Variants in MRTFA observed in about 807,000 individuals in gnomAD.
MRTFA encodes the protein myocardin-related transcription factor A.
MRTFA carries 20 observed loss-of-function variants against 83.5 expected under a neutral mutation model. That is an observed-to-expected ratio of 0.24 (90% CI 0.17 to 0.35). The LOEUF (loss-of-function observed/expected upper bound fraction) is 0.35. Among genes scored for constraint, MRTFA ranks in the 10% least tolerant of loss-of-function variants. The pLI is 1.00. For missense variants in MRTFA, 1,200 were observed against 1,224.7 expected (o/e 0.98, Z 0.30); for synonymous variants, 659 against 541.2 (o/e 1.22, Z -3.02).
At chr22:40,570,981 G>A (rs1049178655) in intron 2 of MRTFA, among the ~76,000 whole-genome samples, 1 of 136,354 alleles carries the variant, frequency 7.3e-6, no homozygotes, top group Admixed American at 8.2e-5. Flanking sequence ...CTTAAGCCCA[G>A]GAGTTTGAAA....
intron 3 of MRTFA, among the ~76,000 whole-genome samples, chr22:40,512,638 T>C (rs932414034): frequency 1.3e-5 from 2 of 152,198 alleles, no homozygotes; most frequent in Non-Finnish European, 2.9e-5. Flanking sequence ...TCACAGCCAG[T>C]AAGGGAGAAA....
intron 4 of MRTFA, among the ~76,000 whole-genome samples, chr22:40,441,330 C>T (rs1465328884): frequency 1.3e-5 from 2 of 152,332 alleles, no homozygotes; most frequent in East Asian, 1.9e-4. Flanking sequence ...ATGTGGACCC[C>T]GCCCCTGGCT....
chr22:40,587,065 G>T (rs1037530413), intron 2 of MRTFA: 2 of 465,848 alleles, frequency 4.3e-6, no homozygotes, highest in Non-Finnish European at 4.4e-6. Flanking sequence ...TTTTCCAGGA[G>T]GTTTGTCCCC....
rs1489582196 is a variant in MRTFA, at chr22:40,416,770, C to T, written c.2578+216G>A. On this transcript the variant is annotated intron_variant, in intron 14 of 14. Coordinates refer to ENST00000355630, the MANE Select transcript of MRTFA (RefSeq NM_020831.6). This position sits in a 1 kb window ranked among gnomAD's most constrained non-coding sequence, Gnocchi z 4.2. ...TCTTCTGTTCGTTGGGAGGCGAGGG[C>T]CTTGGGGCAGTGCTTCCAGCTGAAG... Among the ~76,000 whole-genome samples the T allele has an allele frequency of 6.6e-6, 1 of 152,236 alleles. No individual in the cohort carries two copies. The highest frequency in any genetic ancestry group is 2.4e-5 in the African/African-American group (1 of 41,462).
chr22:40,616,404 G>A (rs1305558566), intron 1 of MRTFA, among the ~76,000 whole-genome samples: 1 of 152,184 alleles, frequency 6.6e-6, no homozygotes, highest in African/African-American at 2.4e-5. Context: ...TCAGTGTGGA[G>A]AATTGACTGA....
At chr22:40,603,254 T>G (rs1174895637) in intron 1 of MRTFA, among the ~76,000 whole-genome samples, 1 of 152,182 alleles carries the variant, frequency 6.6e-6, no homozygotes, top group East Asian at 1.9e-4. Context: ...TCTCAGGAAT[T>G]CACCCATAAA....
At chr22:40,485,982 G>A (rs1409160135) in intron 3 of MRTFA, among the ~76,000 whole-genome samples, 1 of 152,166 alleles carries the variant, frequency 6.6e-6, no homozygotes, top group Non-Finnish European at 1.5e-5. Context: ...TTTTCAACCT[G>A]GCAGGCCTTC....
At chr22:40,433,877 G>C (rs2053117152) in intron 5 of MRTFA, among the ~76,000 whole-genome samples, 1 of 152,194 alleles carries the variant, frequency 6.6e-6, no homozygotes, top group Non-Finnish European at 1.5e-5. Flanking sequence ...TTTGTGAATA[G>C]ATGTGCATGG....
At chr22:40,511,121 T>C (rs553816351) in intron 3 of MRTFA, among the ~76,000 whole-genome samples, 31 of 150,602 alleles carry the variant, frequency 2.1e-4, no homozygotes, top group Non-Finnish European at 3.7e-4. Context: ...TGGAGGAGAG[T>C]TGAACTATAG....
At chr22:40,631,877 T>C (rs1292800833) in intron 1 of MRTFA, among the ~76,000 whole-genome samples, 1 of 152,238 alleles carries the variant, frequency 6.6e-6, no homozygotes, top group African/African-American at 2.4e-5. Context: ...CCCTCTCCCC[T>C]ACTTCAGAAC....
At chr22:40,540,897 A>T (rs1200964962) in intron 3 of MRTFA, among the ~76,000 whole-genome samples, 1 of 152,126 alleles carries the variant, frequency 6.6e-6, no homozygotes, top group Non-Finnish European at 1.5e-5. Context: ...TGGAATGAAA[A>T]GCCCTTATTT....
intron 5 of MRTFA, among the ~76,000 whole-genome samples, chr22:40,431,985 C>T (rs940555126): frequency 6.6e-6 from 1 of 152,152 alleles, no homozygotes; most frequent in African/African-American, 2.4e-5. Context: ...GTGGCTCAAG[C>T]CTGTAATCCC....
chr22:40,514,087 C>A (rs1163984258), intron 3 of MRTFA, among the ~76,000 whole-genome samples: 3 of 151,942 alleles, frequency 2.0e-5, no homozygotes, highest in Non-Finnish European at 4.4e-5. Flanking sequence ...AAAACCCAAT[C>A]TCTACTAAAA....
At chr22:40,603,019 T>C (rs2056278204) in intron 1 of MRTFA, among the ~76,000 whole-genome samples, 1 of 152,254 alleles carries the variant, frequency 6.6e-6, no homozygotes. Flanking sequence ...GAAAAAATAG[T>C]GCCTTCCCTT....
intron 1 of MRTFA, among the ~76,000 whole-genome samples, chr22:40,597,747 G>C (rs1397748076): frequency 6.6e-6 from 1 of 152,186 alleles, no homozygotes; most frequent in Non-Finnish European, 1.5e-5. Context: ...AATGTGTAGG[G>C]TAAGCGAGAG....
At chr22:40,571,286 G>A (rs753127688) in intron 2 of MRTFA, among the ~76,000 whole-genome samples, 4 of 151,992 alleles carry the variant, frequency 2.6e-5, no homozygotes, top group South Asian at 2.1e-4. Context: ...ATGGATCAAC[G>A]ATCTAAATGT....
chr22:40,470,178 T>C (rs1343114559), intron 3 of MRTFA, among the ~76,000 whole-genome samples: 6 of 140,232 alleles, frequency 4.3e-5, no homozygotes, highest in Non-Finnish European at 6.1e-5. Flanking sequence ...GAGCCGAGAT[T>C]GTACCACTGC....
intron 3 of MRTFA, among the ~76,000 whole-genome samples, chr22:40,506,176 G>A (rs113377584): frequency 1.6e-4 from 24 of 152,314 alleles, no homozygotes; most frequent in African/African-American, 5.5e-4. Context: ...GGAGCTTGCA[G>A]TGAGCCGAGA....
At chr22:40,617,699 C>T (rs916775111) in intron 1 of MRTFA, among the ~76,000 whole-genome samples, 1 of 148,368 alleles carries the variant, frequency 6.7e-6, no homozygotes, top group Non-Finnish European at 1.5e-5. Context: ...TGCACTCCAG[C>T]CTGGGCGACA....
Sources: gnomAD v4.1 joint callset for allele counts (sites outside exome capture counted in the v4.1 genomes callset) on GRCh38, gnomAD v4.1.1 for gene constraint, Gnocchi (gnomAD v3.1) non-coding constraint, MANE v1.5 for transcripts, NCBI Gene and HGNC (gene_info 2026-07-23, HGNC 2026-07-21) for gene names.